Variants in CACUL1 observed in about 807,000 individuals in gnomAD.
The protein encoded by CACUL1 is CDK2-associated and cullin domain-containing protein 1.
A neutral mutation model predicts 45.2 loss-of-function variants in CACUL1; 13 were observed. The observed-to-expected ratio is 0.29, with a 90% CI of 0.19 to 0.46. The LOEUF (loss-of-function observed/expected upper bound fraction) is 0.46. Ranked by LOEUF, CACUL1 falls within the 20% of genes least tolerant of loss-of-function variation. The pLI is 1.00. For synonymous variants in CACUL1, 197 were observed against 174.2 expected (o/e 1.13, Z -1.03); for missense variants, 421 against 471.4 (o/e 0.89, Z 0.99).
intron 3 of CACUL1, among the ~76,000 whole-genome samples, chr10:118,716,231 CA>C (rs1340982412): frequency 4.4e-4 from 55 of 124,052 alleles, no homozygotes; most frequent in East Asian, 2.0e-3. Context: ...GACTCCGTCT[CA>C]AAAAAAAAAA....
intron 4 of CACUL1, among the ~76,000 whole-genome samples, chr10:118,704,719 CT>C (rs1329862192): frequency 6.6e-6 from 1 of 152,226 alleles, no homozygotes; most frequent in Admixed American, 6.5e-5. Flanking sequence ...ACTCCCCATT[CT>C]GAGTCCATAA....
chr10:118,726,233 A>G, intron 3 of CACUL1: 1 of 964,900 alleles, frequency 1.0e-6, no homozygotes, highest in Non-Finnish European at 1.4e-6. Flanking sequence ...TAAAGATTAC[A>G]TCAGGCCACA....
At chr10:118,698,658 A>T (rs1377029437) in intron 5 of CACUL1, among the ~76,000 whole-genome samples, 1 of 152,190 alleles carries the variant, frequency 6.6e-6, no homozygotes, top group Non-Finnish European at 1.5e-5. Flanking sequence ...CAGCCACGTG[A>T]ATGAGTCACA....
chr10:118,707,327 GTTC>G (rs1845441625), intron 4 of CACUL1, among the ~76,000 whole-genome samples, 162 bp downstream of exon 4: 2 of 152,142 alleles, frequency 1.3e-5, no homozygotes, highest in Admixed American at 1.3e-4. Context: ...AATAATTAAA[GTTC>G]TTCTATGTCA....
At chr10:118,691,445 C>T in intron 6 of CACUL1, 42 bp from the exon 7 acceptor site, 1 of 1,554,104 alleles carries the variant, frequency 6.4e-7, no homozygotes. Context: ...ATCATATAAA[C>T]ACACCAAATT....
intron 4 of CACUL1, among the ~76,000 whole-genome samples, chr10:118,704,778 C>T (rs1196611988): frequency 1.3e-5 from 2 of 152,244 alleles, no homozygotes; most frequent in Non-Finnish European, 2.9e-5. Context: ...AGCACCCCCA[C>T]AACCCCTCTC....
At chr10:118,726,349 A>G (rs1367220912) in intron 3 of CACUL1, 1 of 1,286,602 alleles carries the variant, frequency 7.8e-7, no homozygotes, top group Admixed American at 2.3e-5. Flanking sequence ...TACAGGTCAC[A>G]TTTAGTTACT....
chr10:118,738,775 T>C (rs566490575), intron 1 of CACUL1, among the ~76,000 whole-genome samples: 2 of 148,922 alleles, frequency 1.3e-5, no homozygotes, highest in East Asian at 4.0e-4. Context: ...TTTGAAAAGC[T>C]AAAAACAAAG....
In CACUL1 at chr10:118,677,929, A is replaced by C. The variant is rs1208133665; in HGVS notation, c.*8199T>G. On this transcript the variant is annotated 3_prime_UTR_variant, in exon 9 of 9. Coordinates refer to ENST00000369151, the MANE Select transcript of CACUL1 (RefSeq NM_153810.5). The stretch of plus-strand genomic sequence containing the variant: ...ATTAGATAATACTGTTCTCCAAAGT[A>C]GAAGTGCAGATTTACACGCCAACAA... The C allele has an allele frequency of 6.6e-6, 1 of 152,256 alleles. No individual in the cohort carries two copies. The highest frequency in any genetic ancestry group is 1.5e-5 in the Non-Finnish European group (1 of 68,046). The allele number at this position is 152,256 out of a possible 1,614,324, so 9.4% of individuals were successfully genotyped here.
chr10:118,700,716 C>CAA lies in CACUL1; in HGVS notation c.796+588_796+589dup, dbSNP rs59032746. Among the ~76,000 whole-genome samples the CAA allele has an allele frequency of 6.3e-4, 84 of 132,914 alleles. 1 individual carries two copies. The highest frequency in any genetic ancestry group is 2.3e-3 in the African/African-American group (74 of 31,748). 87.2% of individuals were successfully genotyped at this position (132,914 alleles called of 152,430 possible). On this transcript the variant is annotated intron_variant, in intron 5 of 8. Transcript: ENST00000369151. ...TAGGCGACAGAGCGAGACTCCGTCT[C>CAA]AAAAAAAAAAAAAAAAAAAGAATGG...
chr10:118,701,463 T>A, intron 4 of CACUL1, 55 bp from the exon 5 acceptor site: 1 of 955,388 alleles, frequency 1.0e-6, no homozygotes, highest in Non-Finnish European at 1.6e-6. Context: ...ATGATTAGTC[T>A]AATGAACTGG....
At chr10:118,731,862 T>A (rs1215104939) in intron 1 of CACUL1, among the ~76,000 whole-genome samples, 2 of 152,024 alleles carry the variant, frequency 1.3e-5, no homozygotes, top group African/African-American at 4.8e-5. Context: ...GCTGTAGTGG[T>A]AAAGATGAAA....
At chr10:118,737,020 T>A (rs371310761) in intron 1 of CACUL1, among the ~76,000 whole-genome samples, 1 of 152,094 alleles carries the variant, frequency 6.6e-6, no homozygotes, top group African/African-American at 2.4e-5. Flanking sequence ...CCCTATGATG[T>A]TCCCACAGTG....
At chr10:118,732,003 A>G (rs1845701592) in intron 1 of CACUL1, among the ~76,000 whole-genome samples, 1 of 152,224 alleles carries the variant, frequency 6.6e-6, no homozygotes, top group South Asian at 2.1e-4. Context: ...ACGTGCGCAA[A>G]CATAACAGTA....
chr10:118,696,829 C>T (rs1845328127), intron 5 of CACUL1, among the ~76,000 whole-genome samples: 1 of 152,178 alleles, frequency 6.6e-6, no homozygotes, highest in South Asian at 2.1e-4. Flanking sequence ...TCAAAGTTCT[C>T]TCTATTAATC....
At chr10:118,686,571 A>G in intron 8 of CACUL1, 27 bp downstream of exon 8, 3 of 1,577,834 alleles carry the variant, frequency 1.9e-6, no homozygotes, top group African/African-American at 2.7e-5. Flanking sequence ...CAGAACCATC[A>G]AGATGGGAAG....
At chr10:118,706,282 A>C (rs2119589268) in intron 4 of CACUL1, among the ~76,000 whole-genome samples, 1 of 152,364 alleles carries the variant, frequency 6.6e-6, no homozygotes, top group East Asian at 1.9e-4. Context: ...CTATTTACCC[A>C]GCCTTAATTC....
intron 1 of CACUL1, among the ~76,000 whole-genome samples, chr10:118,743,585 C>T (rs553605961): frequency 7.9e-5 from 12 of 152,076 alleles, no homozygotes; most frequent in African/African-American, 2.4e-4. Flanking sequence ...AAAAATTAGC[C>T]GGCCATGGTG....
At chr10:118,730,994 A>G (rs1416872353) in intron 1 of CACUL1, among the ~76,000 whole-genome samples, 20 of 152,248 alleles carry the variant, frequency 1.3e-4, no homozygotes, top group African/African-American at 4.8e-4. Context: ...ACTATCTTAA[A>G]CTGGATAAGC....
Sources: gnomAD v4.1 joint callset for allele counts (sites outside exome capture counted in the v4.1 genomes callset) on GRCh38, gnomAD v4.1.1 for gene constraint, MANE v1.5 for transcripts, NCBI Gene and HGNC (gene_info 2026-07-23, HGNC 2026-07-21) for gene names.